Variants in CDK19 observed in about 807,000 individuals in gnomAD.
The protein encoded by CDK19 is cyclin dependent kinase 19.
CDK19 carries 20 observed loss-of-function variants against 68.3 expected under a neutral mutation model. The observed-to-expected ratio is 0.29, with a 90% confidence interval of 0.21 to 0.43. The LOEUF is 0.43. Among genes scored for constraint, CDK19 ranks in the 20% least tolerant of loss-of-function variants. CDK19 has a pLI of 1.00. For missense variants in CDK19, 339 were observed against 623.5 expected (o/e 0.54, Z 4.86); for synonymous variants, 221 against 222.8 (o/e 0.99, Z 0.07).
At chr6:110,693,706 C>T (rs181397525) in intron 2 of CDK19, among the ~76,000 whole-genome samples, 39 of 152,152 alleles carry the variant, frequency 2.6e-4, no homozygotes, top group African/African-American at 7.5e-4. Context: ...ATCCCATTGG[C>T]TTAAGAACCA....
chr6:110,673,494 CTA>C (rs1349833788), intron 2 of CDK19, among the ~76,000 whole-genome samples: 2 of 151,378 alleles, frequency 1.3e-5, no homozygotes, highest in African/African-American at 4.9e-5. Context: ...TATGGTAACT[CTA>C]TGTTTAATTT....
At chr6:110,750,719 G>A (rs1420705931) in intron 1 of CDK19, among the ~76,000 whole-genome samples, 1 of 152,214 alleles carries the variant, frequency 6.6e-6, no homozygotes, top group Non-Finnish European at 1.5e-5. Context: ...TGAAAGGTTT[G>A]AATCCATAGA....
chr6:110,641,646 A>AAAGAAAGGAAGG (rs60451345), intron 4 of CDK19, among the ~76,000 whole-genome samples: 3,095 of 131,398 alleles, frequency 0.024, 65 homozygotes, highest in South Asian at 0.046. Flanking sequence ...AAAGGGAAAG[A>AAAGAAAGGAAGG]AAGGAAGGAA....
intron 4 of CDK19, 56 bp downstream of exon 4, chr6:110,667,378 A>AT: frequency 8.5e-7 from 1 of 1,176,032 alleles, no homozygotes; most frequent in Non-Finnish European, 1.2e-6. Flanking sequence ...AAGAAAATAT[A>AT]TTTTTTAAAA....
intron 1 of CDK19, among the ~76,000 whole-genome samples, chr6:110,804,015 AAG>A (rs1253021535): frequency 6.6e-6 from 1 of 152,142 alleles, no homozygotes; most frequent in Non-Finnish European, 1.5e-5. Flanking sequence ...AAGAAAAGAA[AAG>A]AGAGAAAGGG....
chr6:110,763,064 G>T (rs1179319424), intron 1 of CDK19, among the ~76,000 whole-genome samples: 5 of 152,146 alleles, frequency 3.3e-5, no homozygotes, highest in African/African-American at 1.2e-4. Flanking sequence ...TACAACGCTT[G>T]CAACAATATA....
At chr6:110,688,353 A>AT (rs1772673611) in intron 2 of CDK19, among the ~76,000 whole-genome samples, 1 of 151,464 alleles carries the variant, frequency 6.6e-6, no homozygotes. Context: ...ATATATATAT[A>AT]AAATGCAGGG....
intron 4 of CDK19, among the ~76,000 whole-genome samples, chr6:110,663,682 C>T (rs1472585947): frequency 1.3e-5 from 2 of 152,160 alleles, no homozygotes; most frequent in Admixed American, 1.3e-4. Context: ...CAGGTATGCA[C>T]CACCACACCC....
At chr6:110,713,188 C>A (rs7769401) in intron 2 of CDK19, among the ~76,000 whole-genome samples, 1 of 146,628 alleles carries the variant, frequency 6.8e-6, no homozygotes, top group Admixed American at 6.8e-5. Context: ...AGAGTGAGAT[C>A]CCATCTCAAA....
At chr6:110,790,146 A>T (rs1781490829) in intron 1 of CDK19, among the ~76,000 whole-genome samples, 1 of 152,234 alleles carries the variant, frequency 6.6e-6, no homozygotes, top group African/African-American at 2.4e-5. Flanking sequence ...AAGCAATTTG[A>T]ACCAGATAAG....
intron 2 of CDK19, among the ~76,000 whole-genome samples, chr6:110,671,647 T>G (rs1181588765): frequency 6.6e-6 from 1 of 152,232 alleles, no homozygotes; most frequent in Non-Finnish European, 1.5e-5. Flanking sequence ...TCTGCCTGAT[T>G]GCAAAGTCCA....
At chr6:110,648,528 T>TTTTTC (rs1226099560) in intron 4 of CDK19, among the ~76,000 whole-genome samples, 7 of 149,768 alleles carry the variant, frequency 4.7e-5, no homozygotes, top group Non-Finnish European at 1.0e-4. Context: ...CATGAAATCT[T>TTTTTC]TTTTCTTTTC....
chr6:110,654,634 C>A (rs1017601801), intron 4 of CDK19, among the ~76,000 whole-genome samples: 1 of 152,192 alleles, frequency 6.6e-6, no homozygotes, highest in Non-Finnish European at 1.5e-5. Flanking sequence ...CTCTGAGAGG[C>A]AAGTTCCCAA....
intron 2 of CDK19, among the ~76,000 whole-genome samples, chr6:110,710,226 G>A (rs1774841689): frequency 6.6e-6 from 1 of 152,192 alleles, no homozygotes; most frequent in Non-Finnish European, 1.5e-5. Context: ...TTTGTTATAT[G>A]AGCCTTCACT....
chr6:110,702,513 T>C (rs1774096237), intron 2 of CDK19, among the ~76,000 whole-genome samples: 1 of 151,984 alleles, frequency 6.6e-6, no homozygotes, highest in African/African-American at 2.4e-5. Flanking sequence ...GTAGTCCTAG[T>C]TAACTTGAGA....
intron 1 of CDK19, chr6:110,813,107 T>C: frequency 6.6e-6 from 1 of 151,816 alleles, no homozygotes; most frequent in East Asian, 1.9e-4. Context: ...AATCTTACTC[T>C]AGTAAAGAAG....
intron 6 of CDK19, among the ~76,000 whole-genome samples, chr6:110,630,674 C>T (rs951712523): frequency 5.9e-5 from 9 of 152,184 alleles, no homozygotes; most frequent in Non-Finnish European, 1.2e-4. Context: ...ACAGCCTGGC[C>T]TTGGTAGCCT....
intron 2 of CDK19, among the ~76,000 whole-genome samples, chr6:110,699,254 GTC>G (rs749786417): frequency 2.6e-5 from 4 of 151,814 alleles, no homozygotes; most frequent in Non-Finnish European, 5.9e-5. Flanking sequence ...GTGAAACCCT[GTC>G]TCTACTAAAA....
chr6:110,806,026 T>C (rs545825991), intron 1 of CDK19, among the ~76,000 whole-genome samples: 1 of 151,644 alleles, frequency 6.6e-6, no homozygotes, highest in East Asian at 2.0e-4. Flanking sequence ...AAATGATTTA[T>C]AGCTCATTTT....
Sources: gnomAD v4.1 joint callset for allele counts (sites outside exome capture counted in the v4.1 genomes callset) on GRCh38, gnomAD v4.1.1 for gene constraint, MANE v1.5 for transcripts, NCBI Gene and HGNC (gene_info 2026-07-23, HGNC 2026-07-21) for gene names.